ZNF577: variants seen among roughly 807,000 people sequenced by gnomAD.
The protein encoded by ZNF577 is zinc finger protein 577.
A neutral mutation model predicts 13.9 loss-of-function variants in ZNF577; 14 were observed. That is an observed-to-expected ratio of 1.00 (90% confidence interval 0.66 to 1.57). ZNF577 has a LOEUF of 1.57. ZNF577 is among the 40% of genes most tolerant of loss of function. The pLI is 0.00. For synonymous variants in ZNF577, 203 were observed against 202.9 expected (o/e 1.00, Z 0.00); for missense variants, 555 against 579.2 (o/e 0.96, Z 0.43).
Position 51,878,460 on chromosome 19 carries a change from A to G in ZNF577, c.116T>C (p.Phe39Ser). 6.2e-7 allele frequency: 1 copy of G among 1,614,130 alleles called. No homozygotes were observed. Among genetic ancestry groups the G allele is most frequent in the Non-Finnish European group, 8.5e-7 (1 of 1,179,998 alleles). ...AVGFTREEWQ[F>S]LDQSQKVLYK... ...CAAGACCTTCTGAGACTGGTCCAAA[A>G]ACTGCCACTCCTCCCTGGTGAAGCC... Residue 39 changes from phenylalanine (F) to serine (S), a missense_variant, in exon 4 of 6, where the codon TTT becomes TCT. Phe to Ser is a radical substitution (Grantham distance 155). Coordinates refer to ENST00000638348, the MANE Select transcript of ZNF577 (RefSeq NM_001370449.1).
intron 5 of ZNF577, among the ~76,000 whole-genome samples, chr19:51,875,231 C>T (rs984010165): frequency 1.3e-5 from 2 of 151,862 alleles, no homozygotes; most frequent in Non-Finnish European, 2.9e-5. Context: ...GGCGTGGTGG[C>T]AGGTGCCTGT....
At chr19:51,842,167 G>A (rs542967216) in intron 8 of ZNF577, among the ~76,000 whole-genome samples, 1 of 152,310 alleles carries the variant, frequency 6.6e-6, no homozygotes, top group African/African-American at 2.4e-5. Context: ...AAGTGACTAA[G>A]CAAAAAGGCA....
intron 1 of ZNF577, among the ~76,000 whole-genome samples, chr19:51,883,624 A>G (rs899075857): frequency 6.6e-6 from 1 of 152,022 alleles, no homozygotes; most frequent in Non-Finnish European, 1.5e-5. Context: ...AGAAAAAAAA[A>G]GGGGGAGCTG....
chr19:51,829,097 G>A (rs1336580822), intron 9 of ZNF577, among the ~76,000 whole-genome samples: 1 of 152,142 alleles, frequency 6.6e-6, no homozygotes, highest in Non-Finnish European at 1.5e-5. Flanking sequence ...CAGCCAGAGT[G>A]AGCTGGCCAG....
downstream of ZNF577, chr19:51,804,781 T>C (rs7259815): frequency 0.39 from 59,389 of 151,912 alleles, 11,957 homozygotes; most frequent in South Asian, 0.51. Context: ...GGGGGGTGAA[T>C]GCAGGAATAA....
At chr19:51,841,265 G>C (rs952486747) in intron 8 of ZNF577, among the ~76,000 whole-genome samples, 1 of 152,158 alleles carries the variant, frequency 6.6e-6, no homozygotes, top group Non-Finnish European at 1.5e-5. Flanking sequence ...GGTGGGCACT[G>C]GCATTAGGCT....
chr19:51,874,578 G>T (rs987525563), intron 5 of ZNF577, among the ~76,000 whole-genome samples: 1 of 152,168 alleles, frequency 6.6e-6, no homozygotes, highest in Non-Finnish European at 1.5e-5. Context: ...AGGCTGGCAG[G>T]ATTAAAAACA....
downstream of ZNF577, chr19:51,804,701 A>C (rs1318581140): frequency 6.6e-6 from 1 of 152,148 alleles, no homozygotes; most frequent in Non-Finnish European, 1.5e-5. Flanking sequence ...GGATCTATCG[A>C]GCACCCGATT....
In ZNF577 at chr19:51,867,369, C is replaced by G. The variant is rs558882512; in HGVS notation, c.*5163G>C. Among the ~76,000 whole-genome samples the G allele has an allele frequency of 2.0e-5, 3 of 151,966 alleles. No individual in the cohort carries two copies. Among genetic ancestry groups the G allele is most frequent in the Non-Finnish European group, 2.9e-5 (2 of 68,010 alleles). ...TATTGTCTTTTCTGATTCTGAACAT[C>G]GGACAAAAGATCTCTTTTCAAGAGA... On this transcript the variant is annotated 3_prime_UTR_variant, in exon 6 of 6. Transcript: ENST00000638348.
At chr19:51,808,529 T>C (rs183829619) in intron 10 of ZNF577, among the ~76,000 whole-genome samples, 9 of 152,318 alleles carry the variant, frequency 5.9e-5, no homozygotes, top group African/African-American at 2.2e-4. Flanking sequence ...AATGCTGACA[T>C]AGCGTAAGAC....
chr19:51,857,442 G>GAAAAAAGAAAAAAC (rs2084447908), intron 5 of ZNF577, among the ~76,000 whole-genome samples: 1 of 147,714 alleles, frequency 6.8e-6, no homozygotes, highest in African/African-American at 2.6e-5. Context: ...AAAAAACAAA[G>GAAAAAAGAAAAAAC]AAAGGAAGGA....
At chr19:51,885,051 T>C (rs2084921673) in intron 1 of ZNF577, among the ~76,000 whole-genome samples, 1 of 152,252 alleles carries the variant, frequency 6.6e-6, no homozygotes, top group Admixed American at 6.5e-5. Flanking sequence ...AACCATACGG[T>C]GACTTTTTAT....
intron 9 of ZNF577, chr19:51,826,227 G>C (rs955135467): frequency 6.6e-6 from 1 of 152,108 alleles, no homozygotes; most frequent in East Asian, 1.9e-4. Flanking sequence ...TCACAGATTT[G>C]TTTAGAATTT....
chr19:51,872,639 C>T lies in ZNF577; in HGVS notation c.1351G>A (p.Val451Ile). 1 of 1,614,178 alleles carries T rather than the reference C, an allele frequency of 6.2e-7. No homozygotes were observed. Among genetic ancestry groups the T allele is most frequent in the Non-Finnish European group, 8.5e-7 (1 of 1,180,022 alleles). ...EQPFPRNQAF[V>I]VNQEFEQRIS... ...CTCTGTTCAAATTCCTGATTAACTA[C>T]AAAGGCTTGATTTCTTGGAAAAGGT... Residue 451 changes from valine to isoleucine, a missense_variant, in exon 6 of 6, where the codon GTA becomes ATA. Coordinates refer to ENST00000638348, the MANE Select transcript of ZNF577 (RefSeq NM_001370449.1).
At chr19:51,873,780 A>C (rs928694311) in intron 5 of ZNF577, 74 bp from the exon 6 acceptor site, 1 of 1,123,646 alleles carries the variant, frequency 8.9e-7, no homozygotes, top group Non-Finnish European at 1.2e-6. Flanking sequence ...CAATGCTCTT[A>C]CATAAACCAA....
At chr19:51,880,642 G>T in intron 2 of ZNF577, 37 bp downstream of exon 2, 1 of 501,200 alleles carries the variant, frequency 2.0e-6, no homozygotes, top group Admixed American at 3.5e-5. Flanking sequence ...CAGACCCATT[G>T]GGAAACAAAC....
Position 51,872,064 on chromosome 19 carries a change from T to G in ZNF577, c.*468A>C, listed in dbSNP as rs2084667815. 1 of 153,952 alleles carries G rather than the reference T, an allele frequency of 6.5e-6. No individual in the cohort carries two copies. The highest frequency in any genetic ancestry group is 2.0e-4 in the South Asian group (1 of 4,918). The allele number at this position is 153,952 out of a possible 1,614,324, so 9.5% of individuals were successfully genotyped here. Reference sequence around the variant, plus strand: ...ATAATACTATTCCTGGGGTTCAAGATTTCATTAAACACGTCCCTCCAAGAC... The same window carrying G: ...ATAATACTATTCCTGGGGTTCAAGAGTTCATTAAACACGTCCCTCCAAGAC... On this transcript the variant is annotated 3_prime_UTR_variant, in exon 6 of 6. Transcript: ENST00000638348.
At chr19:51,834,628 T>G (rs572915085) in intron 9 of ZNF577, among the ~76,000 whole-genome samples, 46 of 152,220 alleles carry the variant, frequency 3.0e-4, no homozygotes, top group African/African-American at 1.0e-3. Context: ...TATTTTTAAC[T>G]GAAGGATAAG....
At position 51,873,680 on chromosome 19, in the gene ZNF577, CA is replaced by C; in HGVS notation, c.309del (p.Tyr103Ter). The C allele has an allele frequency of 1.2e-6, 2 of 1,612,590 alleles. No individual in the cohort carries two copies. Among genetic ancestry groups the C allele is most frequent in the Non-Finnish European group, 1.7e-6 (2 of 1,179,202 alleles). ...CCAAATGCATCAGAATCTTTTCCTG[CA>C]TATCTTCTACTCTGGATTACAAAAC... ...CPGFVIQSRR[Y>X]AGKDSDAFGG... On this transcript the variant is annotated frameshift_variant, in exon 6 of 6. Coordinates refer to ENST00000638348, the MANE Select transcript of ZNF577 (RefSeq NM_001370449.1). LOFTEE classifies it low-confidence loss of function (END_TRUNC).
Sources: allele counts gnomAD v4.1 joint callset (sites outside exome capture counted in the v4.1 genomes callset), GRCh38; gene constraint gnomAD v4.1.1; transcripts MANE v1.5; gene names NCBI Gene and HGNC (gene_info 2026-07-23, HGNC 2026-07-21).